The following PPP2R2D variants were observed in gnomAD, a reference collection of about 807,000 sequenced individuals.
The protein encoded by PPP2R2D is protein phosphatase 2 regulatory subunit Bdelta.
Under a neutral mutation model 31.1 loss-of-function variants are expected in PPP2R2D, and 9 were observed. That is an observed-to-expected ratio of 0.29 (90% confidence interval 0.17 to 0.51). The LOEUF is 0.51. PPP2R2D is among the 20% of genes least tolerant of loss of function. The probability of loss-of-function intolerance (pLI) is 0.98; values close to 1 mark genes in which losing one functional copy is unlikely to be tolerated. For missense variants in PPP2R2D, 391 were observed against 465.6 expected (o/e 0.84, Z 1.48); for synonymous variants, 179 against 172.6 (o/e 1.04, Z -0.29).
chr10:131,947,702 C>G lies in PPP2R2D; in HGVS notation c.993C>G (p.Val331=). Residue 331 remains valine, a synonymous_variant, in exon 8 of 9, where the codon GTC becomes GTG. Coordinates refer to ENST00000455566, the MANE Select transcript of PPP2R2D (RefSeq NM_018461.5). This position sits in a 1 kb window ranked among gnomAD's most constrained non-coding sequence, Gnocchi z 4.3. ...GCAGGCCGGTGGAGACCCACCAGGT[C>G]CACGAGTACCTGCGCAGCAAGCTCT... ...MESRPVETHQ[V]HEYLRSKLCS... 1.9e-6 allele frequency: 3 copies of G among 1,614,136 alleles called. No individual in the cohort carries two copies. The highest frequency in any genetic ancestry group is 1.7e-6 in the Non-Finnish European group (2 of 1,180,020).
intron 8 of PPP2R2D, among the ~76,000 whole-genome samples, chr10:131,953,014 GTC>G (rs2036707916): frequency 8.7e-6 from 1 of 114,462 alleles, no homozygotes; most frequent in African/African-American, 3.7e-5. Flanking sequence ...GGGGTTCACT[GTC>G]TTAGTGACTT....
At chr10:131,925,029 A>G (rs1308502103) in intron 2 of PPP2R2D, among the ~76,000 whole-genome samples, 1 of 152,166 alleles carries the variant, frequency 6.6e-6, no homozygotes, top group Non-Finnish European at 1.5e-5. Context: ...GAACCTGTTT[A>G]TTATCTCTGA....
chr10:131,933,670 A>C (rs2036283270), intron 2 of PPP2R2D, among the ~76,000 whole-genome samples: 1 of 151,994 alleles, frequency 6.6e-6, no homozygotes, highest in Non-Finnish European at 1.5e-5. Flanking sequence ...GAAAACAGAA[A>C]ATCTTTGTCC....
intron 2 of PPP2R2D, chr10:131,911,864 A>T (rs1477799326): frequency 6.6e-6 from 1 of 152,214 alleles, no homozygotes; most frequent in Non-Finnish European, 1.5e-5. Flanking sequence ...CATCTTTACC[A>T]GATTGTACTG....
intron 3 of PPP2R2D, among the ~76,000 whole-genome samples, chr10:131,937,929 C>T (rs1321230063): frequency 6.6e-6 from 1 of 152,180 alleles, no homozygotes; most frequent in Non-Finnish European, 1.5e-5. Flanking sequence ...AGCAGCAAGG[C>T]GCTCAGCTCC....
chr10:131,965,523 C>T, the PPP2R2D span, among the ~76,000 whole-genome samples: 3 of 152,192 alleles, frequency 2.0e-5, no homozygotes, highest in Admixed American at 6.5e-5. Flanking sequence ...GATTTTGGCT[C>T]ACTGCAACCT....
downstream of PPP2R2D, chr10:131,959,982 C>G (rs559692654): frequency 2.6e-5 from 4 of 152,342 alleles, no homozygotes; most frequent in African/African-American, 7.2e-5. Context: ...CACTGCTGCT[C>G]CCGTGGAACT....
Position 131,945,677 on chromosome 10 carries a change from C to G in PPP2R2D, c.820+218C>G, listed in dbSNP as rs2036524980. 3.6e-6 allele frequency: 2 copies of G among 562,440 alleles called. No homozygotes were observed. The highest frequency in any genetic ancestry group is 6.2e-6 in the Non-Finnish European group (2 of 324,450). 34.8% of individuals were successfully genotyped at this position (562,440 alleles called of 1,614,324 possible). Reference sequence around the variant, plus strand: ...GTTTCACCATGTTGACCAGACTGGTCTGACCTCAGGTGATCCCCCTACCTC... The same window carrying G: ...GTTTCACCATGTTGACCAGACTGGTGTGACCTCAGGTGATCCCCCTACCTC... On this transcript the variant is annotated intron_variant, in intron 7 of 8. Transcript: ENST00000455566. The surrounding 1 kb of genome is among the most constrained non-coding windows in gnomAD (Gnocchi z 4.8).
rs7078324 is a variant in PPP2R2D, at chr10:131,957,163, G to C, written c.*1200G>C. ...GTGTCCCCGAGGGGAGTGGGGAGTC[G>C]GGCTCCCGTGCCCCTGTGGAGATGG... On this transcript the variant is annotated 3_prime_UTR_variant, in exon 9 of 9. Transcript: ENST00000455566. 1 of 166,932 alleles carries C rather than the reference G, an allele frequency of 6.0e-6. No homozygotes were observed. Among genetic ancestry groups the C allele is most frequent in the Non-Finnish European group, 1.3e-5 (1 of 76,786 alleles). 10.3% of individuals were successfully genotyped at this position (166,932 alleles called of 1,614,324 possible).
In PPP2R2D at chr10:131,936,255, C is replaced by T. The variant is rs1294590137; in HGVS notation, c.198+1700C>T. Among the ~76,000 whole-genome samples, 9 of 151,780 alleles carry T rather than the reference C, an allele frequency of 5.9e-5. No homozygotes were observed. In the East Asian group the frequency reaches 7.9e-4, roughly 13 times the overall value. On this transcript the variant is annotated intron_variant, in intron 3 of 8. Coordinates refer to ENST00000455566, the MANE Select transcript of PPP2R2D (RefSeq NM_018461.5). ...CTCTGTCTCCCGGGTTTAAGTGGTT[C>T]GCCCTGACTCAGCCTCCCAAGTCGC...
intron 2 of PPP2R2D, among the ~76,000 whole-genome samples, chr10:131,933,072 T>A (rs1455009089): frequency 6.6e-6 from 1 of 152,226 alleles, no homozygotes; most frequent in Non-Finnish European, 1.5e-5. Context: ...TTAAGCAAGT[T>A]AGGTTATTTT....
intron 7 of PPP2R2D, among the ~76,000 whole-genome samples, chr10:131,946,192 T>A (rs889491375): frequency 6.6e-6 from 1 of 152,254 alleles, no homozygotes; most frequent in African/African-American, 2.4e-5. Flanking sequence ...TAGCTGAAAG[T>A]CTAGCATTTT....
At chr10:131,926,475 G>A (rs889140804) in intron 2 of PPP2R2D, among the ~76,000 whole-genome samples, 5 of 152,084 alleles carry the variant, frequency 3.3e-5, no homozygotes, top group Admixed American at 6.5e-5. Context: ...CCAGGAGTTC[G>A]TGACCAGCCT....
intron 6 of PPP2R2D, 40 bp downstream of exon 6, chr10:131,944,185 T>G (rs1253437917): frequency 6.5e-7 from 1 of 1,540,542 alleles, no homozygotes; most frequent in African/African-American, 1.4e-5. Context: ...TTCCCGAGGG[T>G]GCTCTTTAGA....
At chr10:131,930,976 C>G (rs1033486876) in intron 2 of PPP2R2D, among the ~76,000 whole-genome samples, 1 of 152,154 alleles carries the variant, frequency 6.6e-6, no homozygotes, top group Non-Finnish European at 1.5e-5. Flanking sequence ...GCACTTTCTC[C>G]TCCTCTTTCC....
At chr10:131,901,862 G>C (rs2035504958) in intron 2 of PPP2R2D, among the ~76,000 whole-genome samples, 1 of 152,230 alleles carries the variant, frequency 6.6e-6, no homozygotes, top group South Asian at 2.1e-4. Flanking sequence ...GATTCTTAAG[G>C]TCTGCTTTCT....
chr10:131,909,802 T>C (rs1327990754), intron 2 of PPP2R2D, among the ~76,000 whole-genome samples: 19 of 152,250 alleles, frequency 1.2e-4, no homozygotes, highest in Admixed American at 1.2e-3. Context: ...ATGTTTTCTA[T>C]ATTTGAAATT....
At chr10:131,970,857 C>T in the PPP2R2D span, 1 of 1,614,238 alleles carries the variant, frequency 6.2e-7, no homozygotes, top group Non-Finnish European at 8.5e-7. The surrounding 1 kb of genome is among the most constrained non-coding windows in gnomAD (Gnocchi z 4.1). Flanking sequence ...ACTGAGAACA[C>T]ACTCACTTGG....
downstream of PPP2R2D, among the ~76,000 whole-genome samples, chr10:131,964,587 C>G (rs1478146344): frequency 6.6e-6 from 1 of 151,614 alleles, no homozygotes; most frequent in South Asian, 2.1e-4. Context: ...TTACGTGTAA[C>G]ATCACACAGT....
Sources: allele counts gnomAD v4.1 joint callset (sites outside exome capture counted in the v4.1 genomes callset), GRCh38; gene constraint gnomAD v4.1.1; non-coding constraint Gnocchi (gnomAD v3.1); transcripts MANE v1.5; gene names NCBI Gene and HGNC (gene_info 2026-07-23, HGNC 2026-07-21).